The following RHOBTB2 variants were observed in gnomAD, a reference collection of about 807,000 sequenced individuals.
RHOBTB2 encodes the protein rho-related BTB domain-containing protein 2.
A neutral mutation model predicts 66.5 loss-of-function variants in RHOBTB2; 39 were observed. That is an observed-to-expected ratio of 0.59 (90% CI 0.45 to 0.77). The LOEUF (loss-of-function observed/expected upper bound fraction) is 0.77. Ranked by LOEUF, RHOBTB2 falls within the 30% of genes least tolerant of loss-of-function variation. RHOBTB2 has a pLI of 0.00. For synonymous variants in RHOBTB2, 390 were observed against 395.0 expected (o/e 0.99, Z 0.15); for missense variants, 755 against 999.1 (o/e 0.76, Z 3.29).
At chr8:22,952,569 A>G in the RHOBTB2 span, among the ~76,000 whole-genome samples, 1 of 152,274 alleles carries the variant, frequency 6.6e-6, no homozygotes, top group African/African-American at 2.4e-5. Flanking sequence ...AGGCAGAGTG[A>G]CAGAGGAAGG....
chr8:22,950,892 G>A, the RHOBTB2 span, among the ~76,000 whole-genome samples: 1 of 152,330 alleles, frequency 6.6e-6, no homozygotes, highest in Admixed American at 6.5e-5. Context: ...TTTGGAACAT[G>A]CCTAGCTCCA....
intron 5 of RHOBTB2, 36 bp downstream of exon 5, chr8:23,007,782 A>T: frequency 1.9e-6 from 3 of 1,601,192 alleles, no homozygotes; most frequent in Non-Finnish European, 2.6e-6. Context: ...GGGGTTCTGC[A>T]TTGGTGCTAT....
intron 6 of RHOBTB2, among the ~76,000 whole-genome samples, chr8:23,008,978 G>C (rs1317826260): frequency 6.6e-6 from 1 of 152,098 alleles, no homozygotes; most frequent in Non-Finnish European, 1.5e-5. Context: ...CCAGCCCTGA[G>C]GGAGGCAGTC....
At chr8:22,977,358 T>C in the RHOBTB2 span, among the ~76,000 whole-genome samples, 1 of 152,064 alleles carries the variant, frequency 6.6e-6, no homozygotes, top group Admixed American at 6.6e-5. Context: ...GGCAGGTGGA[T>C]TGCTTGAGCC....
Position 23,007,639 on chromosome 8 carries a change from C to G in RHOBTB2, c.1394C>G (p.Ala465Gly). 9.3e-6 allele frequency: 15 copies of G among 1,614,164 alleles called. No homozygotes were observed. The highest frequency in any genetic ancestry group is 1.3e-5 in the Non-Finnish European group (15 of 1,180,040). The change falls in exon 5 of 10, where the codon GCC (alanine) becomes GGC (glycine). Residue 465 changes from alanine to glycine, a missense_variant. By Grantham distance (60) the Ala-to-Gly change is moderately conservative (BLOSUM62 0). Transcript: ENST00000251822. ...GTCTTTGATCTGCGCATGATGGTGGCCAACATTCTCAACAATGAGGCCTTC... is the reference window on the plus strand; with the variant it reads ...GTCTTTGATCTGCGCATGATGGTGGGCAACATTCTCAACAATGAGGCCTTC... ...LEVFDLRMMV[A>G]NILNNEAFMN...
In RHOBTB2 at chr8:23,006,279, A is replaced by C. The variant is rs900839110; in HGVS notation, c.482+134A>C. 15 of 737,516 alleles carry C rather than the reference A, an allele frequency of 2.0e-5. No homozygotes were observed. In the African/African-American group the frequency reaches 2.5e-4, roughly 12 times the overall value. The allele number at this position is 737,516 out of a possible 1,614,324, so 45.7% of individuals were successfully genotyped here. On this transcript the variant is annotated intron_variant, in intron 4 of 9. Coordinates refer to ENST00000251822, the MANE Select transcript of RHOBTB2 (RefSeq NM_015178.3). This position sits in a 1 kb window ranked among gnomAD's most constrained non-coding sequence, Gnocchi z 6.1. The stretch of plus-strand genomic sequence containing the variant: ...GAGCAAGCTTGCATTGGGAGTCAAC[A>C]AGCATGCTCATTCATTCATTCATTC...
intron 2 of RHOBTB2, chr8:22,992,317 A>T (rs1238602159): frequency 6.6e-6 from 1 of 151,928 alleles, no homozygotes; most frequent in Non-Finnish European, 1.5e-5. Flanking sequence ...AGTTCAGGCT[A>T]TTTTTTTTCC....
chr8:22,970,993 T>C, the RHOBTB2 span, among the ~76,000 whole-genome samples: 1 of 152,160 alleles, frequency 6.6e-6, no homozygotes, highest in Non-Finnish European at 1.5e-5. Context: ...CTGTGTTTCA[T>C]GGTCCTTTCT....
chr8:22,960,884 C>A, the RHOBTB2 span, among the ~76,000 whole-genome samples: 1 of 152,144 alleles, frequency 6.6e-6, no homozygotes, highest in Non-Finnish European at 1.5e-5. Context: ...CATTGGGAAG[C>A]CTGCCAAATG....
chr8:22,959,328 C>A, the RHOBTB2 span, among the ~76,000 whole-genome samples: 1 of 152,198 alleles, frequency 6.6e-6, no homozygotes, highest in Non-Finnish European at 1.5e-5. Flanking sequence ...CTTACTGCAA[C>A]CTCTGCCTCC....
At chr8:23,002,686 G>A (rs563376504) in intron 1 of RHOBTB2, among the ~76,000 whole-genome samples, 55 of 152,152 alleles carry the variant, frequency 3.6e-4, no homozygotes, top group Middle Eastern at 3.4e-3. Flanking sequence ...GCAAAACTCC[G>A]TCTCAAAAAA....
chr8:22,953,563 A>G, the RHOBTB2 span, among the ~76,000 whole-genome samples: 1 of 151,210 alleles, frequency 6.6e-6, no homozygotes, highest in African/African-American at 2.4e-5. Flanking sequence ...CCCATAACAT[A>G]TCTCTCAGTG....
chr8:22,997,415 C>T (rs1810603067), upstream of RHOBTB2, among the ~76,000 whole-genome samples: 1 of 152,200 alleles, frequency 6.6e-6, no homozygotes, highest in African/African-American at 2.4e-5. Context: ...AAAGCTCCTG[C>T]CTCTGCCTGA....
the RHOBTB2 span, among the ~76,000 whole-genome samples, chr8:22,968,789 T>A: frequency 4.0e-5 from 6 of 151,028 alleles, no homozygotes; most frequent in African/African-American, 1.5e-4. Context: ...TGACTATTAA[T>A]AAAAAAAATC....
At chr8:22,953,119 C>T in the RHOBTB2 span, among the ~76,000 whole-genome samples, 1 of 152,238 alleles carries the variant, frequency 6.6e-6, no homozygotes, top group African/African-American at 2.4e-5. Context: ...TTAGGAGGAA[C>T]CACATGTGCG....
chr8:22,995,803 C>A (rs907813749), upstream of RHOBTB2: 1 of 1,537,980 alleles, frequency 6.5e-7, no homozygotes, highest in Non-Finnish European at 8.8e-7. Flanking sequence ...GGATGGGGGG[C>A]GGAGCTCATG....
chr8:23,014,902 TTGAC>T (rs771828243), intron 8 of RHOBTB2, 124 bp downstream of exon 8: 33 of 765,678 alleles, frequency 4.3e-5, no homozygotes, highest in Non-Finnish European at 7.2e-5. Flanking sequence ...ACTGGGCTCT[TTGAC>T]TGCGCGTAGC....
chr8:23,006,152 G>A lies in RHOBTB2; in HGVS notation c.482+7G>A. 2.5e-6 allele frequency: 4 copies of A among 1,609,226 alleles called. No homozygotes were observed. The South Asian group carries it at 4.4e-5, about 18-fold the overall frequency. ...CTAGGCGACCCTTGGCTAGGTAGGA[G>A]GTGCTGGTACCAAGGAGACAGACAT... On this transcript the variant is annotated splice_region_variant and intron_variant, in intron 4 of 9. Coordinates refer to ENST00000251822, the MANE Select transcript of RHOBTB2 (RefSeq NM_015178.3). This position sits in a 1 kb window ranked among gnomAD's most constrained non-coding sequence, Gnocchi z 6.1.
At chr8:22,993,519 A>G (rs2128797698) in intron 2 of RHOBTB2, among the ~76,000 whole-genome samples, 1 of 152,356 alleles carries the variant, frequency 6.6e-6, no homozygotes, top group South Asian at 2.1e-4. Context: ...TGGAAGGGAC[A>G]GGAAGAAGGC....
Sources: allele counts gnomAD v4.1 joint callset (sites outside exome capture counted in the v4.1 genomes callset), GRCh38; gene constraint gnomAD v4.1.1; non-coding constraint Gnocchi (gnomAD v3.1); transcripts MANE v1.5; gene names NCBI Gene and HGNC (gene_info 2026-07-23, HGNC 2026-07-21).